NT5DC1: variants seen among roughly 807,000 people sequenced by gnomAD.
NT5DC1 encodes the protein 5'-nucleotidase domain containing 1, also known as 5'-nucleotidase domain-containing protein 1.
NT5DC1 carries 42 observed loss-of-function variants against 59.4 expected under a neutral mutation model. That is an observed-to-expected ratio of 0.71 (90% CI 0.55 to 0.92). NT5DC1 has a LOEUF of 0.92. Among genes scored for constraint, NT5DC1 ranks in the 40% least tolerant of loss-of-function variants. The pLI is 0.00. For synonymous variants in NT5DC1, 172 were observed against 188.1 expected (o/e 0.91, Z 0.70); for missense variants, 501 against 537.1 (o/e 0.93, Z 0.66).
chr6:116,220,008 A>T, intron 6 of NT5DC1, among the ~76,000 whole-genome samples: 1 of 146,822 alleles, frequency 6.8e-6, no homozygotes, highest in East Asian at 2.0e-4. Flanking sequence ...TGATGTCCTG[A>T]TATTCTTGAA....
intron 6 of NT5DC1, among the ~76,000 whole-genome samples, chr6:116,183,358 C>T (rs1780928549): frequency 6.6e-6 from 1 of 151,930 alleles, no homozygotes; most frequent in Non-Finnish European, 1.5e-5. Context: ...GCTATGCAGG[C>T]TCTTTTTTGG....
At chr6:116,107,485 A>G (rs1317389549) in intron 2 of NT5DC1, among the ~76,000 whole-genome samples, 2 of 151,304 alleles carry the variant, frequency 1.3e-5, no homozygotes, top group Non-Finnish European at 2.9e-5. Context: ...AAATCCCACA[A>G]GTCTTTTACA....
chr6:116,143,712 A>G (rs1023347162), intron 6 of NT5DC1, among the ~76,000 whole-genome samples: 6 of 152,288 alleles, frequency 3.9e-5, no homozygotes, highest in Non-Finnish European at 8.8e-5. Flanking sequence ...TTTGATATAT[A>G]ATTTTAAAGA....
In NT5DC1 at chr6:116,107,672, A is replaced by G. The variant is rs545264453; in HGVS notation, c.186-692A>G. 6.3e-3 allele frequency among the ~76,000 whole-genome samples: 961 copies of G among 151,692 alleles called. 17 individuals carry two copies. Among genetic ancestry groups the G allele is most frequent in the African/African-American group, 0.022 (923 of 41,300 alleles). Reference sequence around the variant, plus strand: ...ACTGCAAGCTCTGCCTCCCGGGTTCATGCCATTCTCCTGCCTCAGCCTCCT... The same window carrying G: ...ACTGCAAGCTCTGCCTCCCGGGTTCGTGCCATTCTCCTGCCTCAGCCTCCT... On this transcript the variant is annotated intron_variant, in intron 2 of 11. Transcript: ENST00000319550.
chr6:116,164,017 T>C (rs1235374141), intron 6 of NT5DC1, among the ~76,000 whole-genome samples: 1 of 152,208 alleles, frequency 6.6e-6, no homozygotes, highest in Non-Finnish European at 1.5e-5. Context: ...TGACCAAGCA[T>C]ATTGTCAATT....
At chr6:116,139,511 A>G (rs1183833259) in intron 6 of NT5DC1, among the ~76,000 whole-genome samples, 1 of 152,168 alleles carries the variant, frequency 6.6e-6, no homozygotes, top group Non-Finnish European at 1.5e-5. Flanking sequence ...CTACAGTGTA[A>G]TGATATTGAA....
intron 6 of NT5DC1, chr6:116,121,093 C>T (rs548995634): frequency 5.0e-6 from 8 of 1,613,936 alleles, no homozygotes; most frequent in Middle Eastern, 1.7e-4. Context: ...GTCCCATATT[C>T]CCAGGGGGTC....
In NT5DC1 at chr6:116,110,897, CAT is replaced by C. The variant is rs1199268600; in HGVS notation, c.308_309del (p.Tyr103TrpfsTer29). On this transcript the variant is annotated frameshift_variant, in exon 4 of 12. Coordinates refer to ENST00000319550, the MANE Select transcript of NT5DC1 (RefSeq NM_152729.3). LOFTEE classifies it high-confidence loss of function. ...ATGACTCCAGAGGTGCTGGCAGAGG[CAT>C]ATGGCAAGAAAGAGTGGAAGCACTT... 1.2e-6 allele frequency: 2 copies of C among 1,614,100 alleles called. No homozygotes were observed. Among genetic ancestry groups the C allele is most frequent in the East Asian group, 4.5e-5 (2 of 44,884 alleles).
chr6:116,125,477 G>A, intron 6 of NT5DC1: 1 of 1,613,732 alleles, frequency 6.2e-7, no homozygotes, highest in Non-Finnish European at 8.5e-7. Flanking sequence ...AGCAAAAAGG[G>A]TATTTGTGGC....
At chr6:116,226,225 T>A (rs1418492500) in intron 8 of NT5DC1, among the ~76,000 whole-genome samples, 1 of 152,186 alleles carries the variant, frequency 6.6e-6, no homozygotes, top group Non-Finnish European at 1.5e-5. Context: ...TACATTTAAA[T>A]ATATAAGTAA....
rs891097348 is a variant in NT5DC1 at position 116,106,172 on chromosome 6, T to G, written c.94-72T>G. On this transcript the variant is annotated intron_variant, in intron 1 of 11. Transcript: ENST00000319550. ...GCCCCCATCAGCAATTCCATTAGGG[T>G]TTTAGGTCTGTGACATTAAGAATGA... is the stretch of plus-strand genomic sequence containing the variant. 2.2e-5 allele frequency: 18 copies of G among 814,980 alleles called. No homozygotes were observed. In the African/African-American group the frequency reaches 2.5e-4, roughly 11 times the overall value. 50.5% of individuals were successfully genotyped at this position (814,980 alleles called of 1,614,324 possible).
At chr6:116,184,627 T>G (rs1196937268) in intron 6 of NT5DC1, among the ~76,000 whole-genome samples, 1 of 152,080 alleles carries the variant, frequency 6.6e-6, no homozygotes, top group Non-Finnish European at 1.5e-5. Context: ...GTTGTATATT[T>G]CCAGGAATTT....
chr6:116,198,603 C>T (rs763439180), intron 6 of NT5DC1, among the ~76,000 whole-genome samples: 6 of 151,826 alleles, frequency 4.0e-5, no homozygotes, highest in Non-Finnish European at 8.8e-5. Flanking sequence ...TGGTGGTGTG[C>T]ACCTGCAGTC....
At chr6:116,197,379 A>T (rs1781255289) in intron 6 of NT5DC1, among the ~76,000 whole-genome samples, 1 of 151,980 alleles carries the variant, frequency 6.6e-6, no homozygotes, top group South Asian at 2.1e-4. Flanking sequence ...TAGGTCTCTG[A>T]TTATCATCTT....
At chr6:116,110,222 C>G (rs1233612175) in intron 3 of NT5DC1, among the ~76,000 whole-genome samples, 1 of 152,230 alleles carries the variant, frequency 6.6e-6, no homozygotes, top group Non-Finnish European at 1.5e-5. Context: ...GCATAGGATT[C>G]TCTTAACTGG....
rs1411378168 is a variant in NT5DC1, at chr6:116,245,570, T to C, written c.*1546T>C. The C allele has an allele frequency of 6.6e-6, 1 of 152,420 alleles. No homozygotes were observed. Among genetic ancestry groups the C allele is most frequent in the African/African-American group, 2.4e-5 (1 of 41,448 alleles). The allele number at this position is 152,420 out of a possible 1,614,324, so 9.4% of individuals were successfully genotyped here. ...ATATACTTGAAATTTATGTCCAGAA[T>C]GTCACTGGAATATTACAATGAGCAT... On this transcript the variant is annotated 3_prime_UTR_variant, in exon 12 of 12. Coordinates refer to ENST00000319550, the MANE Select transcript of NT5DC1 (RefSeq NM_152729.3).
At chr6:116,130,141 C>T (rs903811027) in intron 6 of NT5DC1, among the ~76,000 whole-genome samples, 7 of 152,042 alleles carry the variant, frequency 4.6e-5, no homozygotes, top group Non-Finnish European at 8.8e-5. Context: ...AGGATATTCT[C>T]TATAAAGAAA....
At chr6:116,240,865 C>T (rs564934206) in intron 11 of NT5DC1, among the ~76,000 whole-genome samples, 3 of 151,984 alleles carry the variant, frequency 2.0e-5, no homozygotes, top group Non-Finnish European at 2.9e-5. Flanking sequence ...AAATATTGGC[C>T]GGATGTGGTG....
intron 11 of NT5DC1, among the ~76,000 whole-genome samples, chr6:116,242,499 A>G (rs1290677009): frequency 6.6e-6 from 1 of 150,430 alleles, no homozygotes; most frequent in Non-Finnish European, 1.5e-5. Context: ...AAAAAAAGAG[A>G]GAGAGAGAGT....
Sources: gnomAD v4.1 joint callset for allele counts (sites outside exome capture counted in the v4.1 genomes callset) on GRCh38, gnomAD v4.1.1 for gene constraint, MANE v1.5 for transcripts, NCBI Gene and HGNC (gene_info 2026-07-23, HGNC 2026-07-21) for gene names.